The following ADCY2 variants were observed in gnomAD, a reference collection of about 807,000 sequenced individuals.
ADCY2 encodes the protein adenylate cyclase 2.
ADCY2 carries 31 observed loss-of-function variants against 125.2 expected under a neutral mutation model. The ratio of observed to expected loss-of-function variants is 0.25; its 90% CI spans 0.19 to 0.33. The LOEUF (loss-of-function observed/expected upper bound fraction) is 0.33, where lower values mean the gene tolerates loss of function less well. ADCY2 is among the 10% of genes least tolerant of loss of function. The probability of loss-of-function intolerance (pLI) is 1.00; values close to 1 mark genes in which losing one functional copy is unlikely to be tolerated. For missense variants in ADCY2, 904 were observed against 1,418.2 expected (o/e 0.64, Z 5.82); for synonymous variants, 512 against 548.4 (o/e 0.93, Z 0.93).
intron 4 of ADCY2, among the ~76,000 whole-genome samples, chr5:7,675,531 G>A (rs1740093278): frequency 6.6e-6 from 1 of 152,206 alleles, no homozygotes; most frequent in Non-Finnish European, 1.5e-5. Context: ...ATGTAGGCTT[G>A]AACTTGTCAA....
intron 4 of ADCY2, among the ~76,000 whole-genome samples, chr5:7,656,824 T>C (rs1259384771): frequency 6.6e-6 from 1 of 152,200 alleles, no homozygotes; most frequent in Non-Finnish European, 1.5e-5. Flanking sequence ...GATTTTAGAG[T>C]CTGCAGTCTT....
intron 11 of ADCY2, among the ~76,000 whole-genome samples, chr5:7,715,996 A>G (rs1157505251): frequency 6.6e-6 from 1 of 152,220 alleles, no homozygotes; most frequent in Admixed American, 6.5e-5. Context: ...TCAGGCTAGC[A>G]GGCCGTGCTT....
Position 7,396,361 on chromosome 5 carries a change from G to T in ADCY2, c.65G>T (p.Gly22Val), listed in dbSNP as rs1739033379. 1.3e-6 allele frequency: 2 copies of T among 1,550,962 alleles called. No individual in the cohort carries two copies. Among genetic ancestry groups the T allele is most frequent in the South Asian group, 1.2e-5 (1 of 85,884 alleles). Residue 22 changes from glycine (G) to valine (V), a missense_variant, in exon 1 of 25, where the codon GGC (glycine) becomes GTC (valine). By Grantham distance (109) the Gly-to-Val change is moderately radical. This residue lies in a region of ADCY2 where 113 missense variants were observed against 108.0 expected (regional missense o/e 1.05). Transcript: ENST00000338316. The surrounding 1 kb of genome is among the most constrained non-coding windows in gnomAD (Gnocchi z 5.7). ...GACCGCTCCGAGGAGGCGGCGGGCG[G>T]CGGAGACGGGCTGCCGCGGTCCCGG... The part of the protein sequence containing the change: ...LRDRSEEAAG[G>V]GDGLPRSRDW...
chr5:7,665,948 C>T (rs1739702810), intron 4 of ADCY2, among the ~76,000 whole-genome samples: 1 of 142,096 alleles, frequency 7.0e-6, no homozygotes, highest in South Asian at 2.3e-4. Context: ...ACGCCATTCT[C>T]CTGCCTCAGC....
intron 3 of ADCY2, among the ~76,000 whole-genome samples, chr5:7,568,786 A>G (rs1216157036): frequency 6.6e-6 from 1 of 152,168 alleles, no homozygotes; most frequent in African/African-American, 2.4e-5. Flanking sequence ...TCAACTGACA[A>G]CTGTTCTAGA....
chr5:7,543,278 A>G (rs1198210566), intron 3 of ADCY2, among the ~76,000 whole-genome samples: 2 of 152,214 alleles, frequency 1.3e-5, no homozygotes, highest in Non-Finnish European at 2.9e-5. Context: ...TATGTTCACC[A>G]TAATGCTATT....
At chr5:7,666,850 T>A (rs1429848153) in intron 4 of ADCY2, among the ~76,000 whole-genome samples, 1 of 152,178 alleles carries the variant, frequency 6.6e-6, no homozygotes, top group Non-Finnish European at 1.5e-5. Context: ...TGGTCTTCCC[T>A]CCGTGTGCTT....
At chr5:7,525,677 GTGTT>G (rs1372082386) in intron 3 of ADCY2, among the ~76,000 whole-genome samples, 1 of 130,660 alleles carries the variant, frequency 7.7e-6, no homozygotes, top group Non-Finnish European at 1.7e-5. Context: ...GTGTGTGTGT[GTGTT>G]TGTATATACT....
chr5:7,475,919 A>G (rs888328866), intron 2 of ADCY2, among the ~76,000 whole-genome samples: 1 of 152,144 alleles, frequency 6.6e-6, no homozygotes, highest in African/African-American at 2.4e-5. Flanking sequence ...TAATATATAC[A>G]TTCTTCTAAT....
At chr5:7,659,841 C>T (rs934825119) in intron 4 of ADCY2, among the ~76,000 whole-genome samples, 2 of 152,234 alleles carry the variant, frequency 1.3e-5, no homozygotes, top group Non-Finnish European at 2.9e-5. Context: ...TTACATACTA[C>T]CTGCTTTCCA....
chr5:7,696,548 G>T (rs1193312294), intron 6 of ADCY2, among the ~76,000 whole-genome samples: 3 of 152,144 alleles, frequency 2.0e-5, no homozygotes, highest in Admixed American at 2.0e-4. Context: ...TGCAAGCCCT[G>T]TACTTCTCAT....
chr5:7,463,824 G>T (rs1353832031), intron 2 of ADCY2, among the ~76,000 whole-genome samples: 1 of 152,090 alleles, frequency 6.6e-6, no homozygotes, highest in Non-Finnish European at 1.5e-5. Context: ...TCAAAGGTGG[G>T]ATAGGATCAC....
intron 11 of ADCY2, among the ~76,000 whole-genome samples, chr5:7,714,171 T>G (rs147732425): frequency 3.3e-4 from 50 of 152,348 alleles, no homozygotes; most frequent in African/African-American, 1.2e-3. Context: ...TGAGGCATAT[T>G]AGAGAGCCCA....
intron 22 of ADCY2, among the ~76,000 whole-genome samples, chr5:7,813,493 G>C (rs763992323): frequency 1.3e-5 from 2 of 152,324 alleles, no homozygotes; most frequent in African/African-American, 2.4e-5. Flanking sequence ...AACTGAGCGA[G>C]TAGTCTCTGT....
intron 3 of ADCY2, among the ~76,000 whole-genome samples, chr5:7,527,637 A>C (rs887579740): frequency 6.6e-6 from 1 of 152,222 alleles, no homozygotes; most frequent in Non-Finnish European, 1.5e-5. Context: ...AGGATTACTT[A>C]TATGTTAGAT....
At chr5:7,659,819 G>C (rs185982879) in intron 4 of ADCY2, among the ~76,000 whole-genome samples, 1 of 152,222 alleles carries the variant, frequency 6.6e-6, no homozygotes, top group Non-Finnish European at 1.5e-5. Context: ...GGTGCTCGGC[G>C]AGAGCCTCCA....
In ADCY2 at chr5:7,396,541, T is replaced by C. The variant is rs765722511; in HGVS notation, c.210+35T>C. ...CTCCCCGCGGGTCCAGCGCCGCGCC[T>C]TCCCCGGCCCTGAGAGGAGCCCGGC... On this transcript the variant is annotated intron_variant, in intron 1 of 24. Coordinates refer to ENST00000338316, the MANE Select transcript of ADCY2 (RefSeq NM_020546.3). The surrounding 1 kb of genome is among the most constrained non-coding windows in gnomAD (Gnocchi z 5.7). 6.5e-7 allele frequency: 1 copy of C among 1,530,578 alleles called. No individual in the cohort carries two copies. The highest frequency in any genetic ancestry group is 8.8e-7 in the Non-Finnish European group (1 of 1,141,044). 94.8% of individuals were successfully genotyped at this position (1,530,578 alleles called of 1,614,324 possible).
intron 2 of ADCY2, among the ~76,000 whole-genome samples, chr5:7,477,591 A>C (rs1407086014): frequency 1.3e-5 from 2 of 152,164 alleles, no homozygotes; most frequent in African/African-American, 4.8e-5. Flanking sequence ...TGTGCACCAG[A>C]GACAGCTCAG....
chr5:7,651,152 C>T (rs565359078), intron 4 of ADCY2, among the ~76,000 whole-genome samples: 2 of 152,248 alleles, frequency 1.3e-5, no homozygotes, highest in South Asian at 2.1e-4. Context: ...GTCCAGCAAG[C>T]GTATCCGAGG....
Sources: gnomAD v4.1 joint callset for allele counts (sites outside exome capture counted in the v4.1 genomes callset) on GRCh38, gnomAD v4.1.1 for gene constraint, gnomAD v4.1.1 regional missense constraint, Gnocchi (gnomAD v3.1) non-coding constraint, MANE v1.5 for transcripts, NCBI Gene and HGNC (gene_info 2026-07-23, HGNC 2026-07-21) for gene names.